The following FOXN3 variants were observed in gnomAD, a reference collection of about 807,000 sequenced individuals.
FOXN3 encodes forkhead box N3, also known as forkhead box protein N3.
A neutral mutation model predicts 38.4 loss-of-function variants in FOXN3; 7 were observed. The ratio of observed to expected loss-of-function variants is 0.18; its 90% CI spans 0.10 to 0.34. The LOEUF is 0.34. Among genes scored for constraint, FOXN3 ranks in the 10% least tolerant of loss-of-function variants. The pLI, the probability that FOXN3 is intolerant of heterozygous loss-of-function variation, is 1.00. For synonymous variants in FOXN3, 230 were observed against 242.2 expected, an observed-to-expected ratio of 0.95 and a Z score of 0.47; for missense variants, 456 against 613.4, an observed-to-expected ratio of 0.74 and a Z score of 2.71.
chr14:89,379,814 CCAT>C (rs1367516381), intron 2 of FOXN3, among the ~76,000 whole-genome samples: 2 of 151,836 alleles, frequency 1.3e-5, no homozygotes, highest in African/African-American at 2.4e-5. Flanking sequence ...GTGCCCACCA[CCAT>C]GTCTAGCTAA....
At chr14:89,476,853 G>A (rs1893222455) in intron 1 of FOXN3, among the ~76,000 whole-genome samples, 1 of 152,060 alleles carries the variant, frequency 6.6e-6, no homozygotes, top group African/African-American at 2.4e-5. Context: ...TTTTTCATAA[G>A]AAGGATAAGC....
chr14:89,436,289 T>TAAAAAAAAAA (rs77915176), intron 1 of FOXN3, among the ~76,000 whole-genome samples: 1 of 134,820 alleles, frequency 7.4e-6, no homozygotes. Flanking sequence ...GTTTATTCAT[T>TAAAAAAAAAA]AAAAAAAAAA....
chr14:89,511,258 T>C (rs373493690), intron 1 of FOXN3, among the ~76,000 whole-genome samples: 317 of 27,430 alleles, frequency 0.012, 80 homozygotes, highest in Non-Finnish European at 0.018. Context: ...TTTCTTTCTT[T>C]CTTTCTTTCT....
intron 1 of FOXN3, among the ~76,000 whole-genome samples, chr14:89,528,031 G>A (rs977401607): frequency 6.6e-6 from 1 of 152,222 alleles, no homozygotes; most frequent in Admixed American, 6.5e-5. Flanking sequence ...TAGCAAAGAT[G>A]TGAAGCAACT....
At chr14:89,517,354 TAAAAAAAAAA>T (rs57430361) in intron 1 of FOXN3, among the ~76,000 whole-genome samples, 14,990 of 129,646 alleles carry the variant, frequency 0.12, 1,125 homozygotes, top group African/African-American at 0.22. Context: ...GACCCTGTCT[TAAAAAAAAAA>T]AAAAAAAAAA....
At chr14:89,514,525 A>G (rs1894163985) in intron 1 of FOXN3, among the ~76,000 whole-genome samples, 1 of 152,196 alleles carries the variant, frequency 6.6e-6, no homozygotes, top group African/African-American at 2.4e-5. Flanking sequence ...CTTAGACCTT[A>G]GACACAGACA....
chr14:89,170,153 AT>A (rs1404896256), intron 5 of FOXN3, among the ~76,000 whole-genome samples: 2 of 152,238 alleles, frequency 1.3e-5, no homozygotes, highest in African/African-American at 4.8e-5. Context: ...GATTCAACCC[AT>A]CAGGAAGATA....
rs192051870 is a variant in FOXN3, at chr14:89,355,250, G to T, written c.544-4442C>A. The T allele has an allele frequency of 9.3e-5, 14 of 150,650 alleles. No homozygotes were observed. The East Asian group carries it at 2.3e-3, about 25-fold the overall frequency. The allele number at this position is 150,650 out of a possible 1,614,324, so 9.3% of individuals were successfully genotyped here. On this transcript the variant is annotated intron_variant, in intron 2 of 5. Transcript: ENST00000557258. ...TTTTTTTTTTCTTTTTGTGGAAATG[G>T]AGTCTCACTCTGTCGTGCCCAGGCT...
intron 4 of FOXN3, among the ~76,000 whole-genome samples, chr14:89,225,609 A>T (rs929797598): frequency 1.3e-5 from 2 of 152,178 alleles, no homozygotes; most frequent in African/African-American, 2.4e-5. Context: ...GTCTCAAAAA[A>T]AATAAAAATA....
At chr14:89,463,213 C>T (rs747626235) in intron 1 of FOXN3, among the ~76,000 whole-genome samples, 6 of 150,588 alleles carry the variant, frequency 4.0e-5, no homozygotes, top group Non-Finnish European at 8.9e-5. Flanking sequence ...GGCATGAACC[C>T]GGGAGGCAGA....
At chr14:89,219,139 C>A (rs1328536373) in intron 4 of FOXN3, among the ~76,000 whole-genome samples, 2 of 152,172 alleles carry the variant, frequency 1.3e-5, no homozygotes, top group Non-Finnish European at 2.9e-5. Flanking sequence ...GAATTGTAAT[C>A]CCCACATGTC....
chr14:89,230,818 C>T (rs1461183912), intron 4 of FOXN3: 3 of 454,776 alleles, frequency 6.6e-6, no homozygotes, highest in South Asian at 4.7e-5. Flanking sequence ...TGTAACCCTC[C>T]TTACAGTGTT....
At chr14:89,448,045 C>T (rs1892543546) in intron 1 of FOXN3, among the ~76,000 whole-genome samples, 1 of 151,942 alleles carries the variant, frequency 6.6e-6, no homozygotes, top group Non-Finnish European at 1.5e-5. Context: ...AACTCCTGAC[C>T]TCGTGATCCG....
chr14:89,388,407 G>A (rs1264295247), intron 2 of FOXN3, among the ~76,000 whole-genome samples: 2 of 152,184 alleles, frequency 1.3e-5, no homozygotes. Context: ...GCAGGGTGTG[G>A]GATGCTGCTG....
At chr14:89,416,131 G>C (rs1248986022) in intron 1 of FOXN3, among the ~76,000 whole-genome samples, 1 of 152,060 alleles carries the variant, frequency 6.6e-6, no homozygotes, top group East Asian at 1.9e-4. Context: ...CAGCACGCGC[G>C]CGCGCGCACG....
intron 4 of FOXN3, among the ~76,000 whole-genome samples, chr14:89,261,046 T>C (rs1414949996): frequency 6.6e-6 from 1 of 152,350 alleles, no homozygotes; most frequent in South Asian, 2.1e-4. Context: ...GAACCACAGG[T>C]TGAGCCTTGG....
chr14:89,208,469 G>C (rs895275885), intron 4 of FOXN3, among the ~76,000 whole-genome samples: 1 of 152,196 alleles, frequency 6.6e-6, no homozygotes, highest in Non-Finnish European at 1.5e-5. Context: ...TGCATCTACT[G>C]TCTATCCATG....
chr14:89,524,371 C>CAAAAAAAAAA (rs1301922423), intron 1 of FOXN3, among the ~76,000 whole-genome samples: 5 of 6,562 alleles, frequency 7.6e-4, no homozygotes, highest in African/African-American at 1.0e-3. Flanking sequence ...GACTCCATCT[C>CAAAAAAAAAA]AAAAAAAAAA....
At chr14:89,355,842 A>T (rs1450597073) in intron 2 of FOXN3, among the ~76,000 whole-genome samples, 1 of 151,914 alleles carries the variant, frequency 6.6e-6, no homozygotes. Flanking sequence ...CCTTCTCACC[A>T]CTTGTGAGGA....
Sources: gnomAD v4.1 joint callset for allele counts (sites outside exome capture counted in the v4.1 genomes callset) on GRCh38, gnomAD v4.1.1 for gene constraint, MANE v1.5 for transcripts, NCBI Gene and HGNC (gene_info 2026-07-23, HGNC 2026-07-21) for gene names.